Variants in NDRG1 observed in about 807,000 individuals in gnomAD.
The protein encoded by NDRG1 is N-myc downstream regulated 1.
NDRG1 carries 32 observed loss-of-function variants against 56.9 expected under a neutral mutation model. The ratio of observed to expected loss-of-function variants is 0.56; its 90% confidence interval spans 0.42 to 0.76. NDRG1 has a LOEUF of 0.76. NDRG1 is among the 30% of genes least tolerant of loss of function. The pLI is 0.00. For synonymous variants in NDRG1, 211 were observed against 204.1 expected, an observed-to-expected ratio of 1.03 and a Z score of -0.29; for missense variants, 507 against 545.7, an observed-to-expected ratio of 0.93 and a Z score of 0.71.
At chr8:133,288,149 CCA>C (rs1563643231) in intron 1 of NDRG1, 1 of 152,402 alleles carries the variant, frequency 6.6e-6, no homozygotes, top group Non-Finnish European at 1.5e-5. Flanking sequence ...ACTCTCACAT[CCA>C]CAGTCATTTA....
intron 1 of NDRG1, among the ~76,000 whole-genome samples, chr8:133,291,269 A>T (rs1045547138): frequency 1.3e-5 from 2 of 152,234 alleles, no homozygotes; most frequent in Non-Finnish European, 2.9e-5. Flanking sequence ...GATTTTTAAA[A>T]GGAGGGAAAA....
intron 1 of NDRG1, chr8:133,296,415 C>T (rs1028422441): frequency 4.4e-6 from 2 of 453,468 alleles, no homozygotes; most frequent in South Asian, 1.6e-5. Context: ...CGCACCCTGC[C>T]CAGTGGCGCT....
At chr8:133,292,729 C>T (rs986136133) in intron 1 of NDRG1, among the ~76,000 whole-genome samples, 1 of 152,106 alleles carries the variant, frequency 6.6e-6, no homozygotes, top group Non-Finnish European at 1.5e-5. Flanking sequence ...GAGACCTGGG[C>T]CCCCACCCAC....
At chr8:133,250,928 A>G (rs1288867157) in intron 9 of NDRG1, among the ~76,000 whole-genome samples, 1 of 147,652 alleles carries the variant, frequency 6.8e-6, no homozygotes, top group Non-Finnish European at 1.5e-5. Context: ...AAAAAAAAAA[A>G]GGGAAGAGAG....
At chr8:133,241,625 ATG>A (rs1279660946) in intron 15 of NDRG1, 3 of 316,656 alleles carry the variant, frequency 9.5e-6, no homozygotes, top group African/African-American at 4.3e-5. Context: ...AGATAAAATA[ATG>A]TGTTAGTAAT....
intron 1 of NDRG1, among the ~76,000 whole-genome samples, chr8:133,294,678 G>GC (rs1554596662): frequency 1.3e-5 from 2 of 152,018 alleles, no homozygotes; most frequent in African/African-American, 2.4e-5. Context: ...TCATGGGGGG[G>GC]GGGCAGCCCC....
intron 13 of NDRG1, chr8:133,244,675 C>T (rs1855570905): frequency 7.2e-6 from 4 of 553,688 alleles, no homozygotes; most frequent in South Asian, 4.1e-5. Flanking sequence ...ATGGAAGGTA[C>T]AGCTGTCCCA....
chr8:133,281,520 T>G (rs1453813670), intron 2 of NDRG1, among the ~76,000 whole-genome samples: 1 of 152,068 alleles, frequency 6.6e-6, no homozygotes, highest in Non-Finnish European at 1.5e-5. Flanking sequence ...TGGCCAACAT[T>G]TCTAAGAGAT....
At chr8:133,284,205 G>A in intron 2 of NDRG1, 44 bp downstream of exon 2, 1 of 1,580,500 alleles carries the variant, frequency 6.3e-7, no homozygotes, top group Non-Finnish European at 8.7e-7. Context: ...GTGTCTATGT[G>A]CACATGTGCC....
intron 1 of NDRG1, among the ~76,000 whole-genome samples, chr8:133,290,689 C>T (rs902983437): frequency 6.6e-6 from 1 of 152,210 alleles, no homozygotes; most frequent in Non-Finnish European, 1.5e-5. Flanking sequence ...CTCTCCTCCA[C>T]CCTGCAGTCA....
At chr8:133,258,486 A>T in intron 6 of NDRG1, 60 bp from the exon 7 acceptor site, 1 of 1,547,766 alleles carries the variant, frequency 6.5e-7, no homozygotes, top group South Asian at 1.2e-5. Flanking sequence ...GCCTCCAAGG[A>T]CCCACTTAGA....
chr8:133,251,760 A>G (rs546151599), intron 9 of NDRG1, among the ~76,000 whole-genome samples: 1 of 152,342 alleles, frequency 6.6e-6, no homozygotes, highest in South Asian at 2.1e-4. Flanking sequence ...TGGGAATGCA[A>G]ACTTGCTGGG....
At chr8:133,258,129 C>T (rs1000010317) in intron 7 of NDRG1, among the ~76,000 whole-genome samples, 1 of 151,924 alleles carries the variant, frequency 6.6e-6, no homozygotes, top group East Asian at 1.9e-4. Context: ...GATGGCTAAG[C>T]GGACAAAGCC....
chr8:133,284,760 G>A (rs1376364613), intron 1 of NDRG1: 9 of 458,804 alleles, frequency 2.0e-5, no homozygotes, highest in Middle Eastern at 3.2e-4. Context: ...TGCTTACCAC[G>A]TATAGGCATA....
intron 13 of NDRG1, among the ~76,000 whole-genome samples, chr8:133,245,990 C>A (rs1201623527): frequency 6.6e-6 from 1 of 152,186 alleles, no homozygotes; most frequent in African/African-American, 2.4e-5. Flanking sequence ...TCCCCCAGTG[C>A]GAGGGAGCCG....
intron 9 of NDRG1, among the ~76,000 whole-genome samples, chr8:133,252,899 G>A (rs1201182860): frequency 6.6e-6 from 1 of 152,054 alleles, no homozygotes; most frequent in Non-Finnish European, 1.5e-5. Context: ...CAACTCCAGA[G>A]TGGGGCCTCT....
rs1269347337 is a variant in NDRG1, at chr8:133,261,168, C to T, written c.326+879G>A. On this transcript the variant is annotated intron_variant, in intron 5 of 15. Transcript: ENST00000323851. ...TCACCCAGGCTGGAGTGCAGTGGTG[C>T]GATCTTGGCTCACTGTAACCTCTGC... Among the ~76,000 whole-genome samples the T allele has an allele frequency of 5.9e-5, 9 of 152,044 alleles. No individual in the cohort carries two copies. In the East Asian group the frequency reaches 7.7e-4, roughly 13 times the overall value.
At chr8:133,289,435 G>A (rs1758583026) in intron 1 of NDRG1, among the ~76,000 whole-genome samples, 1 of 152,146 alleles carries the variant, frequency 6.6e-6, no homozygotes, top group African/African-American at 2.4e-5. Flanking sequence ...AGCGAGGAGA[G>A]GGACACATGG....
intron 3 of NDRG1, among the ~76,000 whole-genome samples, chr8:133,265,760 T>C (rs1386069770): frequency 6.6e-6 from 1 of 151,848 alleles, no homozygotes; most frequent in Non-Finnish European, 1.5e-5. Flanking sequence ...GACCAATCTG[T>C]CACCTGCCAT....
Sources: allele counts gnomAD v4.1 joint callset (sites outside exome capture counted in the v4.1 genomes callset), GRCh38; gene constraint gnomAD v4.1.1; transcripts MANE v1.5; gene names NCBI Gene and HGNC (gene_info 2026-07-23, HGNC 2026-07-21).